The following SPRY4 variants were observed in gnomAD, a reference collection of about 807,000 sequenced individuals.
SPRY4 encodes protein sprouty homolog 4.
In SPRY4, 7 loss-of-function variants were observed where a neutral mutation model predicts 17.0. That is an observed-to-expected ratio of 0.41 (90% CI 0.23 to 0.77). The LOEUF (loss-of-function observed/expected upper bound fraction) is 0.77, where lower values mean the gene tolerates loss of function less well. Ranked by LOEUF, SPRY4 falls within the 30% of genes least tolerant of loss-of-function variation. The probability of loss-of-function intolerance (pLI) is 0.32; values close to 1 mark genes in which losing one functional copy is unlikely to be tolerated. For synonymous variants in SPRY4, 183 were observed against 174.1 expected (o/e 1.05, Z -0.40); for missense variants, 435 against 419.9 (o/e 1.04, Z -0.31).
chr5:142,314,198 G>A lies in SPRY4; in HGVS notation c.*11C>T, dbSNP rs758646143. On this transcript the variant is annotated 3_prime_UTR_variant, in exon 2 of 2. Transcript: ENST00000434127. The surrounding 1 kb of genome is among the most constrained non-coding windows in gnomAD (Gnocchi z 4.8). ...TTTCCAGGCAGAGCACTGGGGCTTC[G>A]ACACAAACTGTCAGAAAGGCTTGTC... The A allele has an allele frequency of 1.1e-5, 17 of 1,596,968 alleles. No individual in the cohort carries two copies. Among genetic ancestry groups the A allele is most frequent in the Middle Eastern group, 1.7e-4 (1 of 6,036 alleles).
Position 142,314,595 on chromosome 5 carries a change from ATGCACACTCCT to A in SPRY4, c.503_513del (p.Lys168IlefsTer42). ...CAGCAGGAAGGCAACGTCCGGGGGGATGCACACTCCTTGCATTTACACTTCCCACAGGCCTC... is the reference window on the plus strand; with the variant it reads ...CAGCAGGAAGGCAACGTCCGGGGGGATGCATTTACACTTCCCACAGGCCTC... On this transcript the variant is annotated frameshift_variant, in exon 2 of 2. Coordinates refer to ENST00000434127, the MANE Select transcript of SPRY4 (RefSeq NM_001127496.3). LOFTEE classifies it high-confidence loss of function. The surrounding 1 kb of genome is among the most constrained non-coding windows in gnomAD (Gnocchi z 4.8). 1 of 1,614,120 alleles carries A rather than the reference ATGCACACTCCT, an allele frequency of 6.2e-7. No individual in the cohort carries two copies. Among genetic ancestry groups the A allele is most frequent in the African/African-American group, 1.3e-5 (1 of 75,036 alleles).
Position 142,310,575 on chromosome 5 carries a change from T to G in SPRY4, c.*3634A>C, listed in dbSNP as rs1303904551. On this transcript the variant is annotated 3_prime_UTR_variant, in exon 2 of 2. Coordinates refer to ENST00000434127, the MANE Select transcript of SPRY4 (RefSeq NM_001127496.3). ...AAATAAATACTATTAAAATAGAGCT[T>G]CAAAATAAATATTCTATACAAAGAA... is the stretch of plus-strand genomic sequence containing the variant. 1 of 152,532 alleles carries G rather than the reference T, an allele frequency of 6.6e-6. No individual in the cohort carries two copies. The highest frequency in any genetic ancestry group is 1.5e-5 in the Non-Finnish European group (1 of 68,024). The allele number at this position is 152,532 out of a possible 1,614,324, so 9.4% of individuals were successfully genotyped here. A position where few individuals can be genotyped will look rare whatever the true frequency, so the allele number is the denominator to read the frequency against.
chr5:142,322,824 C>T (rs1759391953), intron 1 of SPRY4, among the ~76,000 whole-genome samples: 1 of 152,194 alleles, frequency 6.6e-6, no homozygotes, highest in African/African-American at 2.4e-5. Flanking sequence ...GGCCACATGG[C>T]GTGGTTGGTA....
rs558177288 is a variant in SPRY4, at chr5:142,323,486, G to T, written c.-48+1358C>A. Among the ~76,000 whole-genome samples the T allele has an allele frequency of 1.4e-4, 22 of 152,328 alleles. No homozygotes were observed. The South Asian group carries it at 1.9e-3, about 13-fold the overall frequency. ...GGAAGCCTTGCTGCGCCAGAAGGCG[G>T]CCTCCTGCCCTCACAGAGGCCTTGG... is the stretch of plus-strand genomic sequence containing the variant. On this transcript the variant is annotated intron_variant, in intron 1 of 1. Coordinates refer to ENST00000434127, the MANE Select transcript of SPRY4 (RefSeq NM_001127496.3).
At chr5:142,320,767 CTTA>C (rs143964989) in intron 1 of SPRY4, among the ~76,000 whole-genome samples, 3,730 of 152,244 alleles carry the variant, frequency 0.025, 74 homozygotes, top group Non-Finnish European at 0.036. Context: ...ACACTAAGAT[CTTA>C]TTATTTGTCT....
At chr5:142,319,473 C>T (rs1305539520) in intron 1 of SPRY4, among the ~76,000 whole-genome samples, 1 of 152,164 alleles carries the variant, frequency 6.6e-6, no homozygotes, top group Non-Finnish European at 1.5e-5. Context: ...GAGTTTATTA[C>T]AAACCAGTCC....
chr5:142,315,236 A>G, intron 1 of SPRY4, 81 bp from the exon 2 acceptor site: 1 of 933,166 alleles, frequency 1.1e-6, no homozygotes, highest in South Asian at 1.7e-5. Flanking sequence ...ACCCCCCATC[A>G]GGTCCTTGGG....
chr5:142,314,152 A>G lies in SPRY4; in HGVS notation c.*57T>C, dbSNP rs1237367948. ...CCTCTGACCTTGCTGCAGTCTTCTT[A>G]GATGTCAGAAGAGAACCAGGTTTCC... On this transcript the variant is annotated 3_prime_UTR_variant, in exon 2 of 2. Coordinates refer to ENST00000434127, the MANE Select transcript of SPRY4 (RefSeq NM_001127496.3). The surrounding 1 kb of genome is among the most constrained non-coding windows in gnomAD (Gnocchi z 4.8). 1.3e-6 allele frequency: 2 copies of G among 1,530,568 alleles called. No homozygotes were observed. The highest frequency in any genetic ancestry group is 8.8e-7 in the Non-Finnish European group (1 of 1,138,066). 94.8% of individuals were successfully genotyped at this position (1,530,568 alleles called of 1,614,324 possible).
At position 142,322,483 on chromosome 5, in the gene SPRY4, A is replaced by ATATATAT. The variant is rs1554100328; in HGVS notation, c.-48+2360_-48+2361insATATATA. 1.7e-4 allele frequency among the ~76,000 whole-genome samples: 20 copies of ATATATAT among 117,546 alleles called. No homozygotes were observed. The East Asian group carries it at 6.7e-3, about 39-fold the overall frequency. The allele number at this position is 117,546 out of a possible 152,430, so 77.1% of individuals were successfully genotyped here. ...AAGACTCGTCTCAAGAAAAAAAAAA[A>ATATATAT]ATATATATATATATATATAAATGAA... On this transcript the variant is annotated intron_variant, in intron 1 of 1. Transcript: ENST00000434127.
intron 1 of SPRY4, chr5:142,319,906 T>C (rs545358216): frequency 1.8e-4 from 185 of 1,022,002 alleles, no homozygotes; most frequent in Admixed American, 8.9e-4. Flanking sequence ...TTGGGAAATA[T>C]TGGGAAAACC....
intron 1 of SPRY4, chr5:142,319,851 CCCA>C: frequency 6.8e-7 from 1 of 1,474,204 alleles, no homozygotes; most frequent in Non-Finnish European, 9.2e-7. Flanking sequence ...GATGCCTAAT[CCCA>C]CCCACCCACA....
In SPRY4 at chr5:142,310,719, G is replaced by GAA. The variant is rs1758874449; in HGVS notation, c.*3489_*3490insTT. ...GTTTGTAACATGAAACCAAGCTGTG[G>GAA]GACAGTAAGAAGAGAAAGCAAGGCA... On this transcript the variant is annotated 3_prime_UTR_variant, in exon 2 of 2. Transcript: ENST00000434127. 1 of 152,130 alleles carries GAA rather than the reference G, an allele frequency of 6.6e-6. No individual in the cohort carries two copies. Among genetic ancestry groups the GAA allele is most frequent in the South Asian group, 2.1e-4 (1 of 4,818 alleles). 9.4% of individuals were successfully genotyped at this position (152,130 alleles called of 1,614,324 possible).
At chr5:142,317,625 T>C (rs1759200842) in intron 1 of SPRY4, 1 of 984,860 alleles carries the variant, frequency 1.0e-6, no homozygotes, top group Non-Finnish European at 1.2e-6. Flanking sequence ...TTCACTTTTT[T>C]TTTTTTTTTT....
chr5:142,319,762 G>T (rs749440600), intron 1 of SPRY4: 1 of 1,612,532 alleles, frequency 6.2e-7, no homozygotes, highest in Non-Finnish European at 8.5e-7. Context: ...AGGGGGCTGA[G>T]CATCAGGCTG....
chr5:142,315,000 T>C lies in SPRY4; in HGVS notation c.109A>G (p.Ile37Val), dbSNP rs1188866346. The C allele has an allele frequency of 5.6e-6, 9 of 1,613,712 alleles. No individual in the cohort carries two copies. Among genetic ancestry groups the C allele is most frequent in the Admixed American group, 5.0e-5 (3 of 59,982 alleles). Residue 37 changes from isoleucine (I) to valine (V), a missense_variant, in exon 2 of 2, where the codon ATC becomes GTC. Coordinates refer to ENST00000434127, the MANE Select transcript of SPRY4 (RefSeq NM_001127496.3). This position sits in a 1 kb window ranked among gnomAD's most constrained non-coding sequence, Gnocchi z 4.8. Reference protein sequence around the residue: ...SHSRLQHPLTILPIDQVKTSH... With the variant: ...SHSRLQHPLTVLPIDQVKTSH... ...GTCTTCACCTGGTCAATGGGTAGGA[T>C]GGTGAGTGGGTGCTGGAGCCGGCTG... is the stretch of plus-strand genomic sequence containing the variant.
chr5:142,316,078 G>C (rs550121309), intron 1 of SPRY4, among the ~76,000 whole-genome samples: 2 of 152,258 alleles, frequency 1.3e-5, no homozygotes, highest in Non-Finnish European at 2.9e-5. Flanking sequence ...GTGAGCTTCT[G>C]ACAACTTGGA....
chr5:142,317,138 G>T, intron 1 of SPRY4: 6 of 985,470 alleles, frequency 6.1e-6, no homozygotes, highest in Non-Finnish European at 7.2e-6. Context: ...TGTGGTCAGG[G>T]CTGGAGAGAG....
At chr5:142,323,782 TG>T (rs1759431333) in intron 1 of SPRY4, 1 of 152,414 alleles carries the variant, frequency 6.6e-6, no homozygotes, top group Non-Finnish European at 1.5e-5. Flanking sequence ...GGCACAGCCC[TG>T]GACCCAGTGA....
At chr5:142,324,341 T>A (rs1254590302) in intron 1 of SPRY4, 1 of 152,276 alleles carries the variant, frequency 6.6e-6, no homozygotes, top group Non-Finnish European at 1.5e-5. Flanking sequence ...AGAAAAAATC[T>A]ACGTCGAGCA....
Sources: gnomAD v4.1 joint callset for allele counts (sites outside exome capture counted in the v4.1 genomes callset) on GRCh38, gnomAD v4.1.1 for gene constraint, Gnocchi (gnomAD v3.1) non-coding constraint, MANE v1.5 for transcripts, NCBI Gene and HGNC (gene_info 2026-07-23, HGNC 2026-07-21) for gene names.